KCNIP4: variants seen among roughly 807,000 people sequenced by gnomAD.
KCNIP4 encodes the protein potassium voltage-gated channel interacting protein 4, also known as Kv channel-interacting protein 4.
KCNIP4 carries 12 observed loss-of-function variants against 34.0 expected under a neutral mutation model. That is an observed-to-expected ratio of 0.35 (90% CI 0.23 to 0.57). KCNIP4 has a LOEUF of 0.57. Ranked by LOEUF, KCNIP4 falls within the 20% of genes least tolerant of loss-of-function variation. The probability of loss-of-function intolerance (pLI) is 0.83; values close to 1 mark genes in which losing one functional copy is unlikely to be tolerated. For missense variants in KCNIP4, 238 were observed against 311.7 expected (o/e 0.76, Z 1.78); for synonymous variants, 124 against 102.2 (o/e 1.21, Z -1.29).
intron 1 of KCNIP4, among the ~76,000 whole-genome samples, chr4:20,953,574 T>C (rs1287118772): frequency 6.6e-6 from 1 of 152,052 alleles, no homozygotes; most frequent in Non-Finnish European, 1.5e-5. Flanking sequence ...CCCGGCTACT[T>C]GAGAGGCTGA....
chr4:21,117,340 G>T (rs1032009375), intron 1 of KCNIP4, among the ~76,000 whole-genome samples: 4 of 142,340 alleles, frequency 2.8e-5, no homozygotes, highest in African/African-American at 1.0e-4. Flanking sequence ...CATCTTCCTC[G>T]GTGATTCTCC....
At chr4:21,329,188 G>A (rs1284489990) in intron 1 of KCNIP4, among the ~76,000 whole-genome samples, 1 of 152,124 alleles carries the variant, frequency 6.6e-6, no homozygotes, top group Non-Finnish European at 1.5e-5. Context: ...TGCCTTCTAC[G>A]ATTGTATGCT....
chr4:21,274,519 A>G (rs1762327991), intron 1 of KCNIP4, among the ~76,000 whole-genome samples: 3 of 152,222 alleles, frequency 2.0e-5, no homozygotes, highest in African/African-American at 2.4e-5. Context: ...GTAGAAGGTC[A>G]TATATCTAAA....
At chr4:21,626,811 AC>A (rs1245023130) in intron 1 of KCNIP4, among the ~76,000 whole-genome samples, 2 of 152,104 alleles carry the variant, frequency 1.3e-5, no homozygotes, top group Non-Finnish European at 2.9e-5. Context: ...TCGTTTCTCC[AC>A]ATGATTGGCT....
At chr4:21,478,965 G>A (rs545589019) in intron 1 of KCNIP4, among the ~76,000 whole-genome samples, 4 of 152,198 alleles carry the variant, frequency 2.6e-5, no homozygotes, top group African/African-American at 9.6e-5. Context: ...TAAAATGAAG[G>A]GTAGACAGTC....
At position 21,200,315 on chromosome 4, in the gene KCNIP4, CATATATGTGTGT is replaced by C. The variant is rs58485444; in HGVS notation, c.62-317618_62-317607del. ...GTGTGTGTGTGTATATATATACATACATATATGTGTGTATATATATATACATACATATATGTG... is the reference window on the plus strand; with the variant it reads ...GTGTGTGTGTGTATATATATACATACATATATATATACATACATATATGTG... On this transcript the variant is annotated intron_variant, in intron 1 of 8. Coordinates refer to ENST00000382152, the MANE Select transcript of KCNIP4 (RefSeq NM_025221.6). Among the ~76,000 whole-genome samples the C allele has an allele frequency of 3.6e-4, 36 of 100,770 alleles. 4 individuals are homozygous for C. The highest frequency in any genetic ancestry group is 1.7e-3 in the African/African-American group (32 of 18,990). The allele number at this position is 100,770 out of a possible 152,430, so 66.1% of individuals were successfully genotyped here.
intron 1 of KCNIP4, among the ~76,000 whole-genome samples, chr4:21,588,097 G>C (rs1741789177): frequency 6.6e-6 from 1 of 151,936 alleles, no homozygotes; most frequent in Non-Finnish European, 1.5e-5. Context: ...TTCCATGTGA[G>C]AGCCCTTAAA....
At chr4:21,720,689 C>T (rs1235980252) in intron 1 of KCNIP4, among the ~76,000 whole-genome samples, 2 of 139,544 alleles carry the variant, frequency 1.4e-5, no homozygotes, top group Admixed American at 7.4e-5. Context: ...CCCTCCCCCA[C>T]CCCACAACAG....
At chr4:21,928,092 C>T (rs1389944616) in intron 1 of KCNIP4, among the ~76,000 whole-genome samples, 1 of 143,356 alleles carries the variant, frequency 7.0e-6, no homozygotes, top group Non-Finnish European at 1.5e-5. Context: ...TGGAAAAGTG[C>T]CTAGTCCAGA....
At chr4:21,260,024 A>G (rs1761362768) in intron 1 of KCNIP4, among the ~76,000 whole-genome samples, 1 of 152,064 alleles carries the variant, frequency 6.6e-6, no homozygotes, top group African/African-American at 2.4e-5. Context: ...TAAGTGACCA[A>G]TTTAAAGCTG....
At chr4:21,811,924 C>T (rs1393219254) in intron 1 of KCNIP4, among the ~76,000 whole-genome samples, 3 of 152,136 alleles carry the variant, frequency 2.0e-5, no homozygotes. Flanking sequence ...GTGGAGGTTG[C>T]CTTGAAATTC....
intron 3 of KCNIP4, among the ~76,000 whole-genome samples, chr4:20,765,108 A>T (rs1469024445): frequency 6.6e-6 from 1 of 152,194 alleles, no homozygotes; most frequent in East Asian, 1.9e-4. Flanking sequence ...AAGTGTCAGC[A>T]AATAGTTCAT....
chr4:21,901,828 A>C (rs936792892), intron 1 of KCNIP4, among the ~76,000 whole-genome samples: 3 of 152,116 alleles, frequency 2.0e-5, no homozygotes, highest in African/African-American at 7.2e-5. Flanking sequence ...CAAATTGATG[A>C]ATGTAGGTTG....
intron 1 of KCNIP4, among the ~76,000 whole-genome samples, chr4:21,350,690 A>G (rs1285774426): frequency 6.6e-6 from 1 of 152,172 alleles, no homozygotes; most frequent in Non-Finnish European, 1.5e-5. Context: ...AAGTGCTAAG[A>G]TGAGGATTTC....
At chr4:21,620,413 G>A (rs891606205) in intron 1 of KCNIP4, among the ~76,000 whole-genome samples, 7 of 152,044 alleles carry the variant, frequency 4.6e-5, no homozygotes, top group African/African-American at 1.7e-4. Flanking sequence ...GAGATGGAAG[G>A]ATCTCTTGAG....
At chr4:20,734,826 C>A in intron 5 of KCNIP4, 91 bp from the exon 6 acceptor site, 1 of 629,168 alleles carries the variant, frequency 1.6e-6, no homozygotes, top group East Asian at 3.2e-5. Context: ...CTACAACCCT[C>A]TGGATCTTGA....
At chr4:20,735,538 T>G (rs566334458) in intron 5 of KCNIP4, among the ~76,000 whole-genome samples, 14 of 147,032 alleles carry the variant, frequency 9.5e-5, no homozygotes, top group South Asian at 4.4e-4. Flanking sequence ...TTGTTTTTTT[T>G]TTTTTTTTTG....
chr4:21,370,079 G>A (rs906412633), intron 1 of KCNIP4, among the ~76,000 whole-genome samples: 9 of 147,222 alleles, frequency 6.1e-5, no homozygotes, highest in Non-Finnish European at 1.2e-4. Flanking sequence ...CTCCCACCTC[G>A]GCCTCCCGAA....
At chr4:20,748,593 TA>T (rs1203435415) in intron 5 of KCNIP4, among the ~76,000 whole-genome samples, 1,588 of 107,480 alleles carry the variant, frequency 0.015, 13 homozygotes, top group Non-Finnish European at 0.024. Context: ...TATATATATA[TA>T]TATATATATA....
Sources: gnomAD v4.1 joint callset for allele counts (sites outside exome capture counted in the v4.1 genomes callset) on GRCh38, gnomAD v4.1.1 for gene constraint, MANE v1.5 for transcripts, NCBI Gene and HGNC (gene_info 2026-07-23, HGNC 2026-07-21) for gene names.